CNTN5: variants seen among roughly 807,000 people sequenced by gnomAD.
The protein encoded by CNTN5 is contactin 5, also known as contactin-5.
Under a neutral mutation model 129.1 loss-of-function variants are expected in CNTN5, and 77 were observed. The observed-to-expected ratio is 0.60, with a 90% CI of 0.50 to 0.72. The LOEUF (loss-of-function observed/expected upper bound fraction) is 0.72, where lower values mean the gene tolerates loss of function less well. Among genes scored for constraint, CNTN5 ranks in the 30% least tolerant of loss-of-function variants. The pLI is 0.00. For synonymous variants in CNTN5, 509 were observed against 465.6 expected, an observed-to-expected ratio of 1.09 and a Z score of -1.20; for missense variants, 1,478 against 1,328.8, an observed-to-expected ratio of 1.11 and a Z score of -1.75.
intron 15 of CNTN5, among the ~76,000 whole-genome samples, chr11:100,224,474 A>G (rs1414981670): frequency 6.6e-6 from 1 of 152,180 alleles, no homozygotes; most frequent in Non-Finnish European, 1.5e-5. Context: ...AAATCATTAT[A>G]TGCAATATTA....
chr11:99,823,574 A>C (rs1145403), intron 4 of CNTN5, among the ~76,000 whole-genome samples: 91,242 of 151,956 alleles, frequency 0.6, 27,731 homozygotes, highest in African/African-American at 0.68. Context: ...TACTATTTTA[A>C]GTGCTCATAG....
chr11:99,024,892 G>A (rs1863043244), intron 1 of CNTN5, among the ~76,000 whole-genome samples: 1 of 151,888 alleles, frequency 6.6e-6, no homozygotes, highest in South Asian at 2.1e-4. Flanking sequence ...CATTTCCTGT[G>A]TATTTCTTAA....
intron 2 of CNTN5, among the ~76,000 whole-genome samples, chr11:99,331,419 T>G (rs150103727): frequency 5.9e-5 from 9 of 152,224 alleles, no homozygotes; most frequent in African/African-American, 2.2e-4. Flanking sequence ...CTTTAAATTT[T>G]AGAAAGAAGA....
At chr11:99,474,623 G>A (rs1368140241) in intron 2 of CNTN5, among the ~76,000 whole-genome samples, 1 of 151,890 alleles carries the variant, frequency 6.6e-6, no homozygotes, top group Non-Finnish European at 1.5e-5. Flanking sequence ...TTACCCAAAA[G>A]GTGTCTCTAT....
chr11:100,158,687 T>C (rs1203820560), intron 13 of CNTN5, among the ~76,000 whole-genome samples: 1 of 151,828 alleles, frequency 6.6e-6, no homozygotes, highest in East Asian at 1.9e-4. Context: ...ATTTTAATAA[T>C]CTGAAAATAC....
intron 17 of CNTN5, among the ~76,000 whole-genome samples, chr11:100,268,000 A>G (rs1944158): frequency 0.039 from 5,933 of 152,298 alleles, 197 homozygotes; most frequent in East Asian, 0.16. Flanking sequence ...TGGTAAAACC[A>G]ACAGCATTTG....
At chr11:99,870,431 G>T (rs1948473725) in intron 6 of CNTN5, among the ~76,000 whole-genome samples, 1 of 152,020 alleles carries the variant, frequency 6.6e-6, no homozygotes, top group Non-Finnish European at 1.5e-5. Context: ...GTTAGAGTAG[G>T]CCATGTATGG....
intron 2 of CNTN5, among the ~76,000 whole-genome samples, chr11:99,345,155 T>C (rs987027664): frequency 6.6e-6 from 1 of 152,204 alleles, no homozygotes; most frequent in African/African-American, 2.4e-5. Context: ...ATAAGCCATA[T>C]GAATACATAT....
intron 1 of CNTN5, among the ~76,000 whole-genome samples, chr11:99,122,220 A>G (rs556023910): frequency 8.1e-4 from 124 of 152,198 alleles, no homozygotes; most frequent in African/African-American, 3.0e-3. Flanking sequence ...GAGATTTACT[A>G]TCCCTTGCTT....
chr11:99,025,133 T>C (rs1399273569), intron 1 of CNTN5, among the ~76,000 whole-genome samples: 2 of 151,942 alleles, frequency 1.3e-5, no homozygotes, highest in East Asian at 3.9e-4. Context: ...TTTCCTCTTA[T>C]GCCAGTCATG....
chr11:99,617,764 A>G (rs1010802327), intron 3 of CNTN5, among the ~76,000 whole-genome samples: 1 of 152,208 alleles, frequency 6.6e-6, no homozygotes, highest in African/African-American at 2.4e-5. Context: ...AATGTATAAA[A>G]TGAAACCACT....
At chr11:99,299,129 A>C (rs150685192) in intron 1 of CNTN5, among the ~76,000 whole-genome samples, 118 of 152,314 alleles carry the variant, frequency 7.7e-4, no homozygotes, top group African/African-American at 2.8e-3. Context: ...AATACAAGAC[A>C]TACCAAAAAA....
In CNTN5 at chr11:99,809,370, C is replaced by T. The variant is rs116422154; in HGVS notation, c.56-10174C>T. On this transcript the variant is annotated intron_variant, in intron 3 of 24. Transcript: ENST00000524871. ...TTTTTTCTCTTAGTTTATAAGAACTCCTTGAAGGCAAAGATTGTATGTTTT... is the reference window on the plus strand; with the variant it reads ...TTTTTTCTCTTAGTTTATAAGAACTTCTTGAAGGCAAAGATTGTATGTTTT... Among the ~76,000 whole-genome samples, 953 of 152,088 alleles carry T rather than the reference C, an allele frequency of 6.3e-3. 13 individuals are homozygous for T. Among genetic ancestry groups the T allele is most frequent in the African/African-American group, 0.022 (909 of 41,488 alleles).
chr11:99,204,717 T>C (rs1389431568), intron 1 of CNTN5, among the ~76,000 whole-genome samples: 1 of 152,120 alleles, frequency 6.6e-6, no homozygotes, highest in African/African-American at 2.4e-5. Context: ...TGCTGCTCAA[T>C]CCCCTAAAGT....
intron 1 of CNTN5, among the ~76,000 whole-genome samples, chr11:99,241,935 T>TAC (rs200536928): frequency 0.014 from 2,187 of 152,008 alleles, 20 homozygotes; most frequent in Middle Eastern, 0.044. Context: ...CACACATACA[T>TAC]ACACACACAC....
At chr11:100,303,081 T>C (rs1351048518) in intron 20 of CNTN5, among the ~76,000 whole-genome samples, 2 of 151,542 alleles carry the variant, frequency 1.3e-5, no homozygotes, top group Non-Finnish European at 3.0e-5. Context: ...CAAACCTTAA[T>C]GACTCTGTCA....
chr11:100,115,807 T>G (rs1259653156), intron 13 of CNTN5, among the ~76,000 whole-genome samples: 1 of 152,102 alleles, frequency 6.6e-6, no homozygotes, highest in East Asian at 1.9e-4. Flanking sequence ...TTAGATATTG[T>G]TTTTAAAATG....
chr11:100,142,726 A>T (rs903697395), intron 13 of CNTN5, among the ~76,000 whole-genome samples: 1 of 152,076 alleles, frequency 6.6e-6, no homozygotes, highest in Non-Finnish European at 1.5e-5. Flanking sequence ...GTTACCCTGA[A>T]CACATTATTT....
At chr11:99,611,289 G>T (rs1017087673) in intron 3 of CNTN5, among the ~76,000 whole-genome samples, 2 of 152,098 alleles carry the variant, frequency 1.3e-5, no homozygotes, top group Admixed American at 6.6e-5. Flanking sequence ...CAATAGTGTA[G>T]TCAGTAACAG....
Sources: gnomAD v4.1 joint callset for allele counts (sites outside exome capture counted in the v4.1 genomes callset) on GRCh38, gnomAD v4.1.1 for gene constraint, MANE v1.5 for transcripts, NCBI Gene and HGNC (gene_info 2026-07-23, HGNC 2026-07-21) for gene names.